ELMO1: variants seen among roughly 807,000 people sequenced by gnomAD.
The protein encoded by ELMO1 is engulfment and cell motility 1.
ELMO1 carries 26 observed loss-of-function variants against 98.9 expected under a neutral mutation model. That is an observed-to-expected ratio of 0.26 (90% CI 0.19 to 0.36). The LOEUF (loss-of-function observed/expected upper bound fraction) is 0.36. Among genes scored for constraint, ELMO1 ranks in the 10% least tolerant of loss-of-function variants. ELMO1 has a pLI of 1.00. For synonymous variants in ELMO1, 346 were observed against 346.0 expected, an observed-to-expected ratio of 1.00 and a Z score of 0.00; for missense variants, 627 against 935.2, an observed-to-expected ratio of 0.67 and a Z score of 4.30.
At chr7:37,285,920 G>T (rs910196727) in intron 4 of ELMO1, among the ~76,000 whole-genome samples, 6 of 151,952 alleles carry the variant, frequency 3.9e-5, no homozygotes, top group African/African-American at 1.5e-4. Context: ...AACGACATGT[G>T]CAAATGCTTA....
intron 13 of ELMO1, among the ~76,000 whole-genome samples, chr7:37,155,591 T>C (rs1788703146): frequency 6.7e-6 from 1 of 150,288 alleles, no homozygotes; most frequent in Admixed American, 6.6e-5. Flanking sequence ...CATTACATAA[T>C]GGTAAAGGGA....
chr7:37,028,479 T>C (rs1794704389), intron 15 of ELMO1, among the ~76,000 whole-genome samples: 1 of 152,182 alleles, frequency 6.6e-6, no homozygotes, highest in Non-Finnish European at 1.5e-5. Context: ...TGTATTCCCA[T>C]AGAAATTTTA....
At chr7:37,092,276 T>C (rs1032376881) in intron 15 of ELMO1, among the ~76,000 whole-genome samples, 5 of 151,508 alleles carry the variant, frequency 3.3e-5, no homozygotes, top group Non-Finnish European at 5.9e-5. Context: ...GATCCAGCTG[T>C]CATTTATGCC....
At chr7:37,292,700 G>T (rs1283954805) in intron 4 of ELMO1, among the ~76,000 whole-genome samples, 1 of 55,480 alleles carries the variant, frequency 1.8e-5, no homozygotes, top group Non-Finnish European at 4.0e-5. Flanking sequence ...AGTGAGGAGC[G>T]TCTCCGCCCG....
Position 36,855,706 on chromosome 7 carries a change from T to C in ELMO1, c.2029A>G (p.Met677Val). The stretch of plus-strand genomic sequence containing the variant: ...TCATTCCGCGTCAGGTCGCTCATCA[T>C]GTCCTTCCCGAGTAGCGCATTCAGT... ...DGLNALLGKD[M>V]MSDLTRNDLD... The change falls in exon 22 of 22, where the codon ATG (methionine) becomes GTG (valine). Residue 677 changes from methionine to valine, a missense_variant. This residue lies in a region of ELMO1 where 492 missense variants were observed against 715.6 expected (regional missense o/e 0.69). Coordinates refer to ENST00000310758, the MANE Select transcript of ELMO1 (RefSeq NM_014800.11). The surrounding 1 kb of genome is among the most constrained non-coding windows in gnomAD (Gnocchi z 4.2). 5.0e-6 allele frequency: 8 copies of C among 1,614,112 alleles called. No individual in the cohort carries two copies. Among genetic ancestry groups the C allele is most frequent in the Non-Finnish European group, 6.8e-6 (8 of 1,179,982 alleles).
At chr7:37,298,101 C>G (rs1198681649) in intron 4 of ELMO1, among the ~76,000 whole-genome samples, 3 of 151,994 alleles carry the variant, frequency 2.0e-5, no homozygotes, top group Non-Finnish European at 2.9e-5. Context: ...TTCAGAGCAG[C>G]AGACACTGAA....
intron 13 of ELMO1, among the ~76,000 whole-genome samples, chr7:37,163,028 G>C (rs1789337764): frequency 6.6e-6 from 1 of 152,066 alleles, no homozygotes; most frequent in African/African-American, 2.4e-5. Context: ...GCTCTACTTG[G>C]TTGCCTTATT....
chr7:37,414,531 T>C (rs1804131201), intron 1 of ELMO1, among the ~76,000 whole-genome samples: 1 of 152,226 alleles, frequency 6.6e-6, no homozygotes, highest in Non-Finnish European at 1.5e-5. Context: ...ATGTTTGTTC[T>C]GGCATTCTCT....
At chr7:37,127,552 G>C (rs1019619775) in intron 14 of ELMO1, among the ~76,000 whole-genome samples, 48 of 152,130 alleles carry the variant, frequency 3.2e-4, no homozygotes, top group African/African-American at 1.2e-3. Flanking sequence ...AACAATGCTT[G>C]TTCCTAGGGA....
rs1273950067 is a variant in ELMO1, at chr7:36,870,486, T to C, written c.1823-11A>G. On this transcript the variant is annotated splice_polypyrimidine_tract_variant and intron_variant, in intron 19 of 21. Coordinates refer to ENST00000310758, the MANE Select transcript of ELMO1 (RefSeq NM_014800.11). The surrounding 1 kb of genome is among the most constrained non-coding windows in gnomAD (Gnocchi z 4.4). ...TATCTGCCACCGGCACTGCAATTCA[T>C]AAAAGAAAATGCAAGTAACTACACC... The C allele has an allele frequency of 6.2e-7, 1 of 1,612,186 alleles. No homozygotes were observed. The highest frequency in any genetic ancestry group is 8.5e-7 in the Non-Finnish European group (1 of 1,179,498).
chr7:37,385,069 T>C (rs1444943563), intron 1 of ELMO1, among the ~76,000 whole-genome samples: 6 of 152,242 alleles, frequency 3.9e-5, no homozygotes, highest in Non-Finnish European at 8.8e-5. Context: ...TGTAATATTT[T>C]ACCTGCCACA....
Position 37,185,377 on chromosome 7 carries a change from T to C in ELMO1, c.1086+26009A>G, listed in dbSNP as rs370446490. Among the ~76,000 whole-genome samples the C allele has an allele frequency of 1.7e-3, 253 of 152,350 alleles. 8 individuals carry two copies. The South Asian group carries it at 0.05, about 30-fold the overall frequency. On this transcript the variant is annotated intron_variant, in intron 13 of 21. Coordinates refer to ENST00000310758, the MANE Select transcript of ELMO1 (RefSeq NM_014800.11). ...CATTTACTACTTGTTAAAAATAACA[T>C]TGTATTTTAATTTTCATAAAGTAAA...
rs150300229 is a variant in ELMO1, at chr7:36,854,930, A to C, written c.*621T>G. 4.4e-3 allele frequency: 695 copies of C among 157,444 alleles called. 3 individuals carry two copies. The highest frequency in any genetic ancestry group is 8.7e-3 in the Admixed American group (142 of 16,338). 9.8% of individuals were successfully genotyped at this position (157,444 alleles called of 1,614,324 possible). A position where few individuals can be genotyped will look rare whatever the true frequency, so the allele number is the denominator to read the frequency against. On this transcript the variant is annotated 3_prime_UTR_variant, in exon 22 of 22. Coordinates refer to ENST00000310758, the MANE Select transcript of ELMO1 (RefSeq NM_014800.11). Reference sequence around the variant, plus strand: ...CATGGGACCTGTGGACTGTTTGGGAAATTTATGCTAGGGAGGATCACGAGG... The same window carrying C: ...CATGGGACCTGTGGACTGTTTGGGACATTTATGCTAGGGAGGATCACGAGG...
chr7:37,095,634 T>C (rs1325540028), intron 15 of ELMO1, among the ~76,000 whole-genome samples: 2 of 152,238 alleles, frequency 1.3e-5, no homozygotes, highest in Non-Finnish European at 2.9e-5. Flanking sequence ...TATTTTTCCT[T>C]ACTAAGTATT....
At chr7:37,244,516 G>T (rs1584864228) in intron 6 of ELMO1, 125 bp from the exon 7 acceptor site, 8 of 912,812 alleles carry the variant, frequency 8.8e-6, no homozygotes, top group East Asian at 4.9e-5. Flanking sequence ...TGAAGTAAAA[G>T]AATTTTATCC....
At chr7:37,363,535 C>T (rs1416101324) in intron 1 of ELMO1, among the ~76,000 whole-genome samples, 1 of 152,132 alleles carries the variant, frequency 6.6e-6, no homozygotes, top group South Asian at 2.1e-4. Context: ...TATCCCCATC[C>T]CACATCAGTG....
intron 16 of ELMO1, among the ~76,000 whole-genome samples, chr7:36,941,539 T>A (rs575524136): frequency 6.6e-6 from 1 of 152,354 alleles, no homozygotes; most frequent in East Asian, 1.9e-4. Flanking sequence ...TTCTTAAACC[T>A]AGCATTTCAC....
At chr7:37,321,787 A>G (rs1409075139) in intron 2 of ELMO1, among the ~76,000 whole-genome samples, 3 of 151,316 alleles carry the variant, frequency 2.0e-5, no homozygotes, top group Non-Finnish European at 4.4e-5. Context: ...AATTTAGTTC[A>G]AAATGATGAA....
At position 37,255,531 on chromosome 7, in the gene ELMO1, T is replaced by C. The variant is rs531853826; in HGVS notation, c.413+3650A>G. On this transcript the variant is annotated intron_variant, in intron 6 of 21. Coordinates refer to ENST00000310758, the MANE Select transcript of ELMO1 (RefSeq NM_014800.11). ...CTAGCAGGCAGTTTCATTGTCGAAGTCTGTAACTGCCGGCCTCTGGAGGTG... is the reference window on the plus strand; with the variant it reads ...CTAGCAGGCAGTTTCATTGTCGAAGCCTGTAACTGCCGGCCTCTGGAGGTG... Among the ~76,000 whole-genome samples, 3 of 152,320 alleles carry C rather than the reference T, an allele frequency of 2.0e-5. No individual in the cohort carries two copies. In the South Asian group the frequency reaches 6.2e-4, roughly 32 times the overall value.
Sources: allele counts gnomAD v4.1 joint callset (sites outside exome capture counted in the v4.1 genomes callset), GRCh38; gene constraint gnomAD v4.1.1; regional missense constraint gnomAD v4.1.1; non-coding constraint Gnocchi (gnomAD v3.1); transcripts MANE v1.5; gene names NCBI Gene and HGNC (gene_info 2026-07-23, HGNC 2026-07-21).